The following AZGP1 variants were observed in gnomAD, a reference collection of about 807,000 sequenced individuals.
AZGP1 encodes alpha-2-glycoprotein 1, zinc-binding.
In AZGP1, 28 loss-of-function variants were observed where a neutral mutation model predicts 31.5. That is an observed-to-expected ratio of 0.89 (90% CI 0.66 to 1.22). AZGP1 has a LOEUF of 1.22. Among genes scored for constraint, AZGP1 ranks in the 50% most tolerant of loss-of-function variants. The probability of loss-of-function intolerance (pLI) is 0.00; values close to 1 mark genes in which losing one functional copy is unlikely to be tolerated. For synonymous variants in AZGP1, 135 were observed against 145.4 expected, an observed-to-expected ratio of 0.93 and a Z score of 0.51; for missense variants, 361 against 371.8, an observed-to-expected ratio of 0.97 and a Z score of 0.24.
At position 99,975,958 on chromosome 7, in the gene AZGP1, C is replaced by G; in HGVS notation, c.63G>C (p.Gln21His). ...TTCCCCACTCACCATCTTGGTTCTC[C>G]TGGGGGACAGCAGGACCCAGAAGCA... ...LLLLLGPAVP[Q>H]ENQDGRYSLT... The change falls in exon 1 of 4, where the codon CAG (glutamine) becomes CAC (histidine). Residue 21 changes from glutamine (Q) to histidine (H), a missense_variant. By Grantham distance (24) the Gln-to-His change is conservative. Coordinates refer to ENST00000292401, the MANE Select transcript of AZGP1 (RefSeq NM_001185.4). 6.2e-7 allele frequency: 1 copy of G among 1,614,106 alleles called. No individual in the cohort carries two copies. Among genetic ancestry groups the G allele is most frequent in the Non-Finnish European group, 8.5e-7 (1 of 1,180,010 alleles).
intron 2 of AZGP1, among the ~76,000 whole-genome samples, chr7:99,970,844 A>G (rs951072708): frequency 6.6e-6 from 1 of 152,076 alleles, no homozygotes; most frequent in East Asian, 1.9e-4. Flanking sequence ...CACCCACTCT[A>G]TGATAATTTA....
In AZGP1 at chr7:99,967,137, G is replaced by A; in HGVS notation, c.763C>T (p.Leu255Phe). The change falls in exon 4 of 4, where the codon CTT (leucine) becomes TTT (phenylalanine). Residue 255 changes from leucine (L) to phenylalanine (F), a missense_variant. Transcript: ENST00000292401. ...TGGTAAGTGCCATTTCCATTGTGAA[G>A]AACATCTCCCCGTAACTCAGGCTCC... The part of the protein sequence containing the change: ...VQEPELRGDV[L>F]HNGNGTYQSW... 3.1e-6 allele frequency: 5 copies of A among 1,614,192 alleles called. No homozygotes were observed. Among genetic ancestry groups the A allele is most frequent in the Non-Finnish European group, 4.2e-6 (5 of 1,180,046 alleles).
Position 99,971,756 on chromosome 7 carries a change from G to T in AZGP1, c.327C>A (p.Asn109Lys), listed in dbSNP as rs141506204. Residue 109 changes from asparagine to lysine, a missense_variant, in exon 2 of 4, where the codon AAC becomes AAA. By Grantham distance (94) the Asn-to-Lys change is moderately conservative (BLOSUM62 0). Coordinates refer to ENST00000292401, the MANE Select transcript of AZGP1 (RefSeq NM_001185.4). ...CTGTTATTCACTGACCGTTACTGTCGTTGTAATACTCCACGATGTCTTTCA... is the reference window on the plus strand; with the variant it reads ...CTGTTATTCACTGACCGTTACTGTCTTTGTAATACTCCACGATGTCTTTCA... ...ETLKDIVEYY[N>K]DSNGSHVLQG... 23 of 1,613,862 alleles carry T rather than the reference G, an allele frequency of 1.4e-5. No homozygotes were observed. The highest frequency in any genetic ancestry group is 1.9e-5 in the Non-Finnish European group (23 of 1,179,910).
chr7:99,968,766 C>A (rs1203694088), intron 2 of AZGP1: 3 of 298,902 alleles, frequency 1.0e-5, no homozygotes, highest in Non-Finnish European at 1.8e-5. Flanking sequence ...GGTTCCAGAC[C>A]AGCCAGGGTG....
Position 99,967,113 on chromosome 7 carries a change from G to C in AZGP1, c.787C>G (p.Gln263Glu), listed in dbSNP as rs201365001. Residue 263 changes from glutamine to glutamate, a missense_variant, in exon 4 of 4, where the codon CAG becomes GAG. Gln to Glu is a conservative substitution (Grantham distance 29, BLOSUM62 2). Transcript: ENST00000292401. ...GGCACTGCCACCACCACCCAGGACTGGTAAGTGCCATTTCCATTGTGAAGA... is the reference window on the plus strand; with the variant it reads ...GGCACTGCCACCACCACCCAGGACTCGTAAGTGCCATTTCCATTGTGAAGA... ...DVLHNGNGTY[Q>E]SWVVVAVPPQ... 5 of 1,614,224 alleles carry C rather than the reference G, an allele frequency of 3.1e-6. No individual in the cohort carries two copies. The highest frequency in any genetic ancestry group is 4.2e-6 in the Non-Finnish European group (5 of 1,180,044).
At chr7:99,970,065 G>C (rs892679594) in intron 2 of AZGP1, among the ~76,000 whole-genome samples, 2 of 151,682 alleles carry the variant, frequency 1.3e-5, no homozygotes, top group Admixed American at 6.6e-5. Flanking sequence ...CCCCCACCTG[G>C]TGTGTTGCCT....
chr7:99,968,415 T>G lies in AZGP1; in HGVS notation c.353A>C (p.Gln118Pro). Residue 118 changes from glutamine (Q) to proline (P), a missense_variant, in exon 3 of 4, where the codon CAG becomes CCG. Gln to Pro is a moderately conservative substitution (Grantham distance 76). Transcript: ENST00000292401. Reference protein sequence around the residue: ...YNDSNGSHVLQGRFGCEIENN... With the variant: ...YNDSNGSHVLPGRFGCEIENN... ...CTCGATCTCACAACCAAACCTTCCCTGCAATACGTGAGACCCTGAAAACTC... is the reference window on the plus strand; with the variant it reads ...CTCGATCTCACAACCAAACCTTCCCGGCAATACGTGAGACCCTGAAAACTC... 6.2e-7 allele frequency: 1 copy of G among 1,613,912 alleles called. No homozygotes were observed.
At chr7:99,970,585 C>A (rs768204955) in intron 2 of AZGP1, among the ~76,000 whole-genome samples, 1 of 152,072 alleles carries the variant, frequency 6.6e-6, no homozygotes, top group Non-Finnish European at 1.5e-5. Context: ...CCTCATCCTC[C>A]TTCCTCTTAA....
At chr7:99,975,487 G>A (rs185703031) in intron 1 of AZGP1, among the ~76,000 whole-genome samples, 2 of 152,182 alleles carry the variant, frequency 1.3e-5, no homozygotes, top group Non-Finnish European at 2.9e-5. Flanking sequence ...CTGAGTGTGG[G>A]ATTTGGGCAC....
chr7:99,970,638 C>T (rs1562798072), intron 2 of AZGP1, among the ~76,000 whole-genome samples: 1 of 151,998 alleles, frequency 6.6e-6, no homozygotes, highest in Non-Finnish European at 1.5e-5. Flanking sequence ...CAATGCTTCC[C>T]CCAGTGTCTT....
At chr7:99,972,624 C>G (rs1789596248) in intron 1 of AZGP1, among the ~76,000 whole-genome samples, 1 of 152,062 alleles carries the variant, frequency 6.6e-6, no homozygotes, top group Non-Finnish European at 1.5e-5. Flanking sequence ...ACCAGCCTGG[C>G]CAACATGGTG....
At chr7:99,972,932 A>G (rs575841650) in intron 1 of AZGP1, among the ~76,000 whole-genome samples, 21 of 152,306 alleles carry the variant, frequency 1.4e-4, no homozygotes, top group Non-Finnish European at 2.8e-4. Context: ...CCTGGCTAAC[A>G]TGGTGAAACC....
At chr7:99,971,280 C>T (rs1031843299) in intron 2 of AZGP1, among the ~76,000 whole-genome samples, 1 of 152,172 alleles carries the variant, frequency 6.6e-6, no homozygotes, top group East Asian at 1.9e-4. Flanking sequence ...CTCAGTGCTC[C>T]AATGTTTGCA....
Position 99,966,891 on chromosome 7 carries a change from T to TC in AZGP1, c.*111dup. 7.0e-7 allele frequency: 1 copy of TC among 1,430,842 alleles called. No individual in the cohort carries two copies. The highest frequency in any genetic ancestry group is 9.5e-7 in the Non-Finnish European group (1 of 1,054,648). The allele number at this position is 1,430,842 out of a possible 1,614,324, so 88.6% of individuals were successfully genotyped here. A position where few individuals can be genotyped will look rare whatever the true frequency, so the allele number is the denominator to read the frequency against. On this transcript the variant is annotated 3_prime_UTR_variant, in exon 4 of 4. Coordinates refer to ENST00000292401, the MANE Select transcript of AZGP1 (RefSeq NM_001185.4). ...CCTCCTGTCTGTCCCCCCACACTGC[T>TC]CCTCAGGCCTTGTGGATCCATTGAC...
At chr7:99,972,940 A>G (rs754460378) in intron 1 of AZGP1, among the ~76,000 whole-genome samples, 1 of 151,984 alleles carries the variant, frequency 6.6e-6, no homozygotes, top group Non-Finnish European at 1.5e-5. Context: ...ACATGGTGAA[A>G]CCCCGTCTCT....
At chr7:99,971,228 A>G (rs913204904) in intron 2 of AZGP1, among the ~76,000 whole-genome samples, 1 of 152,226 alleles carries the variant, frequency 6.6e-6, no homozygotes, top group African/African-American at 2.4e-5. Flanking sequence ...TCCTTCATAG[A>G]ACAGACATAG....
chr7:99,970,933 G>T (rs183796087), intron 2 of AZGP1, among the ~76,000 whole-genome samples: 1 of 152,294 alleles, frequency 6.6e-6, no homozygotes, highest in African/African-American at 2.4e-5. Flanking sequence ...ACTGGGCCGG[G>T]GGCACAGGGA....
chr7:99,971,810 C>T lies in AZGP1; in HGVS notation c.273G>A (p.Lys91=), dbSNP rs752820394. 1 of 1,614,130 alleles carries T rather than the reference C, an allele frequency of 6.2e-7. No individual in the cohort carries two copies. Among genetic ancestry groups the T allele is most frequent in the Admixed American group, 1.7e-5 (1 of 60,020 alleles). The change falls in exon 2 of 4, where the codon AAG becomes AAA. Residue 91 remains lysine (K), a synonymous_variant. Coordinates refer to ENST00000292401, the MANE Select transcript of AZGP1 (RefSeq NM_001185.4). The part of the protein sequence containing the change: ...EDWKQDSQLQ[K]AREDIFMETL... ...TCTCCATAAAGATGTCCTCCCTGGC[C>T]TTCTGAAGTTGGCTGTCCTGCTTCC...
At chr7:99,971,456 T>G in intron 2 of AZGP1, 24 of 339,664 alleles carry the variant, frequency 7.1e-5, no homozygotes, top group Non-Finnish European at 1.0e-4. Flanking sequence ...CAGCCTCCGA[T>G]GGGTGGGGTG....
Sources: gnomAD v4.1 joint callset for allele counts (sites outside exome capture counted in the v4.1 genomes callset) on GRCh38, gnomAD v4.1.1 for gene constraint, MANE v1.5 for transcripts, NCBI Gene and HGNC (gene_info 2026-07-23, HGNC 2026-07-21) for gene names.